SLC6A11: variants seen among roughly 807,000 people sequenced by gnomAD.
SLC6A11 encodes sodium- and chloride-dependent GABA transporter 3.
SLC6A11 carries 25 observed loss-of-function variants against 74.8 expected under a neutral mutation model. The ratio of observed to expected loss-of-function variants is 0.33; its 90% CI spans 0.24 to 0.47. The LOEUF (loss-of-function observed/expected upper bound fraction) is 0.47, where lower values mean the gene tolerates loss of function less well. Among genes scored for constraint, SLC6A11 ranks in the 20% least tolerant of loss-of-function variants. The pLI, the probability that SLC6A11 is intolerant of heterozygous loss-of-function variation, is 1.00. For synonymous variants in SLC6A11, 330 were observed against 330.2 expected (o/e 1.00, Z 0.01); for missense variants, 574 against 837.0 (o/e 0.69, Z 3.88).
chr3:10,836,988 C>G (rs1451251455), intron 4 of SLC6A11, among the ~76,000 whole-genome samples: 4 of 152,184 alleles, frequency 2.6e-5, no homozygotes, highest in Non-Finnish European at 5.9e-5. Context: ...GAATTTACTC[C>G]CTTGCCCTTT....
In SLC6A11 at chr3:10,819,836, G is replaced by T. The variant is rs774805070; in HGVS notation, c.516G>T (p.Gly172=). The T allele has an allele frequency of 1.3e-5, 21 of 1,613,896 alleles. No individual in the cohort carries two copies. Among genetic ancestry groups the T allele is most frequent in the Admixed American group, 3.3e-5 (2 of 59,998 alleles). ...CTGAGCTACCCTGGGCTACCTGTGG[G>T]CATGAGTGGAACACAGGTATGGCCC... ...FTTELPWATC[G]HEWNTENCVE... The change falls in exon 3 of 14, where the codon GGG becomes GGT. Residue 172 remains glycine, a synonymous_variant. Transcript: ENST00000254488.
At chr3:10,823,118 TC>T (rs1429084334) in intron 3 of SLC6A11, among the ~76,000 whole-genome samples, 183 bp from the exon 4 acceptor site, 1 of 152,192 alleles carries the variant, frequency 6.6e-6, no homozygotes, top group African/African-American at 2.4e-5. Context: ...TTCCTCCTGT[TC>T]TAATCAGTCC....
At chr3:10,820,129 T>C (rs1694119330) in intron 3 of SLC6A11, among the ~76,000 whole-genome samples, 1 of 152,154 alleles carries the variant, frequency 6.6e-6, no homozygotes, top group Non-Finnish European at 1.5e-5. Flanking sequence ...GACTGAGCCC[T>C]TTGGGGGCAG....
At chr3:10,880,817 C>A (rs1694967017) in intron 6 of SLC6A11, among the ~76,000 whole-genome samples, 1 of 152,254 alleles carries the variant, frequency 6.6e-6, no homozygotes, top group East Asian at 1.9e-4. Flanking sequence ...CAGAGCCCAG[C>A]AACCCTTCCT....
chr3:10,933,745 T>C (rs1015329412), intron 11 of SLC6A11, among the ~76,000 whole-genome samples: 3 of 152,130 alleles, frequency 2.0e-5, no homozygotes, highest in Admixed American at 6.5e-5. Context: ...GCCAGGCCCC[T>C]GCCTTCAAAA....
At chr3:10,898,162 C>G (rs1281521402) in intron 6 of SLC6A11, among the ~76,000 whole-genome samples, 1 of 152,146 alleles carries the variant, frequency 6.6e-6, no homozygotes, top group Non-Finnish European at 1.5e-5. Flanking sequence ...ACCATTTTCT[C>G]CTAGGCCTCT....
chr3:10,861,542 C>T (rs1350644098), intron 5 of SLC6A11, among the ~76,000 whole-genome samples: 3 of 151,754 alleles, frequency 2.0e-5, no homozygotes. Context: ...CAAAAAAAAG[C>T]AGGAAGTAAT....
At chr3:10,904,952 G>A (rs186393850) in intron 6 of SLC6A11, among the ~76,000 whole-genome samples, 4 of 152,334 alleles carry the variant, frequency 2.6e-5, no homozygotes, top group African/African-American at 9.6e-5. Flanking sequence ...AGAGCCTGTA[G>A]TACGCACTAG....
chr3:10,919,516 T>C (rs1695507664), intron 8 of SLC6A11, among the ~76,000 whole-genome samples: 1 of 152,140 alleles, frequency 6.6e-6, no homozygotes, highest in Admixed American at 6.5e-5. Flanking sequence ...AGGTTTGGCA[T>C]GTGCAGTCAG....
chr3:10,918,981 C>G lies in SLC6A11; in HGVS notation c.1120+528C>G, dbSNP rs1359292258. Among the ~76,000 whole-genome samples, 2 of 152,154 alleles carry G rather than the reference C, an allele frequency of 1.3e-5. No homozygotes were observed. Among genetic ancestry groups the G allele is most frequent in the Non-Finnish European group, 2.9e-5 (2 of 68,040 alleles). On this transcript the variant is annotated intron_variant, in intron 8 of 13. Transcript: ENST00000254488. The surrounding 1 kb of genome is among the most constrained non-coding windows in gnomAD (Gnocchi z 4.5). ...CCAGCCTCACCACCTACGATTCCCCCACACTCACTCGGTCCCACCACAGCG... is the reference window on the plus strand; with the variant it reads ...CCAGCCTCACCACCTACGATTCCCCGACACTCACTCGGTCCCACCACAGCG...
At chr3:10,862,152 A>G (rs891989356) in intron 5 of SLC6A11, among the ~76,000 whole-genome samples, 2 of 152,152 alleles carry the variant, frequency 1.3e-5, no homozygotes, top group African/African-American at 4.8e-5. Flanking sequence ...TTGTGGTTTA[A>G]TGGTGCCCTT....
At chr3:10,853,838 C>T (rs1694606687) in intron 5 of SLC6A11, among the ~76,000 whole-genome samples, 1 of 152,224 alleles carries the variant, frequency 6.6e-6, no homozygotes, top group African/African-American at 2.4e-5. Context: ...GCCTTAGCCA[C>T]CTTGCACGTG....
At chr3:10,846,225 T>G (rs977803728) in intron 5 of SLC6A11, among the ~76,000 whole-genome samples, 1 of 152,246 alleles carries the variant, frequency 6.6e-6, no homozygotes, top group African/African-American at 2.4e-5. Context: ...TACTTAGCAT[T>G]ATTCAATGGG....
At chr3:10,871,611 A>G (rs1694829428) in intron 5 of SLC6A11, among the ~76,000 whole-genome samples, 1 of 152,234 alleles carries the variant, frequency 6.6e-6, no homozygotes, top group Non-Finnish European at 1.5e-5. Context: ...TCTATCATAG[A>G]TGCTGTGTAT....
intron 10 of SLC6A11, among the ~76,000 whole-genome samples, chr3:10,932,722 C>T (rs79091093): frequency 3.4e-4 from 51 of 152,220 alleles, no homozygotes; most frequent in Non-Finnish European, 4.6e-4. Context: ...TTTAAACTAC[C>T]ACGTGTTTGG....
intron 4 of SLC6A11, among the ~76,000 whole-genome samples, chr3:10,843,489 T>G (rs1559557627): frequency 6.6e-6 from 1 of 152,174 alleles, no homozygotes; most frequent in Non-Finnish European, 1.5e-5. Context: ...CAAATTCCAC[T>G]TATCTTTCAC....
At chr3:10,876,962 C>T (rs1349135112) in intron 6 of SLC6A11, among the ~76,000 whole-genome samples, 1 of 152,084 alleles carries the variant, frequency 6.6e-6, no homozygotes, top group Non-Finnish European at 1.5e-5. Flanking sequence ...TACCTGTGGA[C>T]AAGTTCCTTC....
chr3:10,926,834 C>T lies in SLC6A11; in HGVS notation c.1233+718C>T, dbSNP rs994192180. 1.3e-5 allele frequency among the ~76,000 whole-genome samples: 2 copies of T among 152,182 alleles called. No individual in the cohort carries two copies. The highest frequency in any genetic ancestry group is 1.3e-4 in the Admixed American group (2 of 15,284). ...CCCCGGCCTCTTTCCCAGACCATTC[C>T]CCCAACAGTCCCTGAAACCCACCCT... On this transcript the variant is annotated intron_variant, in intron 9 of 13. Transcript: ENST00000254488. This position sits in a 1 kb window ranked among gnomAD's most constrained non-coding sequence, Gnocchi z 5.7.
At chr3:10,830,674 G>A (rs1694283151) in intron 4 of SLC6A11, among the ~76,000 whole-genome samples, 1 of 152,190 alleles carries the variant, frequency 6.6e-6, no homozygotes, top group Non-Finnish European at 1.5e-5. Flanking sequence ...CAAGCCATGT[G>A]GAGGTCCCAG....
Sources: allele counts gnomAD v4.1 joint callset (sites outside exome capture counted in the v4.1 genomes callset), GRCh38; gene constraint gnomAD v4.1.1; non-coding constraint Gnocchi (gnomAD v3.1); transcripts MANE v1.5; gene names NCBI Gene and HGNC (gene_info 2026-07-23, HGNC 2026-07-21).